The following MINDY3 variants were observed in gnomAD, a reference collection of about 807,000 sequenced individuals.
MINDY3 encodes the protein MINDY lysine 48 deubiquitinase 3, also known as ubiquitin carboxyl-terminal hydrolase MINDY-3.
Under a neutral mutation model 69.2 loss-of-function variants are expected in MINDY3, and 38 were observed. The ratio of observed to expected loss-of-function variants is 0.55; its 90% CI spans 0.42 to 0.72. MINDY3 has a LOEUF of 0.72. MINDY3 is among the 30% of genes least tolerant of loss of function. MINDY3 has a pLI of 0.00. For synonymous variants in MINDY3, 192 were observed against 180.1 expected (o/e 1.07, Z -0.53); for missense variants, 522 against 519.0 (o/e 1.01, Z -0.06).
At chr10:15,843,165 A>C (rs1833599388) in intron 3 of MINDY3, 47 bp downstream of exon 3, 1 of 1,452,838 alleles carries the variant, frequency 6.9e-7, no homozygotes, top group Non-Finnish European at 9.6e-7. Context: ...GATCATCTCT[A>C]TTAAAACAGA....
rs973386537 is a variant in MINDY3, at chr10:15,782,140, C to A, written c.1188+15G>T. On this transcript the variant is annotated intron_variant, in intron 14 of 14. Coordinates refer to ENST00000277632, the MANE Select transcript of MINDY3 (RefSeq NM_024948.4). ...CAACCCAGTTGAACACCGACGACTACGTGAATTATCATACCTTTTCATTAT... is the reference window on the plus strand; with the variant it reads ...CAACCCAGTTGAACACCGACGACTAAGTGAATTATCATACCTTTTCATTAT... The A allele has an allele frequency of 1.9e-6, 3 of 1,583,010 alleles. No homozygotes were observed. Among genetic ancestry groups the A allele is most frequent in the Middle Eastern group, 1.7e-4 (1 of 6,016 alleles).
In MINDY3 at chr10:15,860,447, T is replaced by C. The variant is rs1835020304; in HGVS notation, c.-148A>G. On this transcript the variant is annotated 5_prime_UTR_variant, in exon 1 of 15. Coordinates refer to ENST00000277632, the MANE Select transcript of MINDY3 (RefSeq NM_024948.4). ...GAAAGAAGAAGGGGCTGAGAGCCACTTGCAGAGACCAAGCCTGTCAAGCCA... is the reference window on the plus strand; with the variant it reads ...GAAAGAAGAAGGGGCTGAGAGCCACCTGCAGAGACCAAGCCTGTCAAGCCA... 2 of 685,400 alleles carry C rather than the reference T, an allele frequency of 2.9e-6. No individual in the cohort carries two copies. Among genetic ancestry groups the C allele is most frequent in the Admixed American group, 2.5e-5 (1 of 40,530 alleles). The allele number at this position is 685,400 out of a possible 1,614,324, so 42.5% of individuals were successfully genotyped here.
intron 9 of MINDY3, chr10:15,817,902 A>T (rs1198580100): frequency 6.6e-6 from 1 of 152,196 alleles, no homozygotes; most frequent in Admixed American, 6.6e-5. Flanking sequence ...GTATCCATGG[A>T]CAGAGAAACT....
Position 15,782,121 on chromosome 10 carries a change from A to G in MINDY3, c.1188+34T>C, listed in dbSNP as rs374883099. 4.1e-6 allele frequency: 6 copies of G among 1,459,236 alleles called. No homozygotes were observed. In the African/African-American group the frequency reaches 8.4e-5, roughly 20 times the overall value. The allele number at this position is 1,459,236 out of a possible 1,614,324, so 90.4% of individuals were successfully genotyped here. A position where few individuals can be genotyped will look rare whatever the true frequency, so the allele number is the denominator to read the frequency against. ...ACTCACATAATTATTTCATCAACCCAGTTGAACACCGACGACTACGTGAAT... is the reference window on the plus strand; with the variant it reads ...ACTCACATAATTATTTCATCAACCCGGTTGAACACCGACGACTACGTGAAT... On this transcript the variant is annotated intron_variant, in intron 14 of 14. Coordinates refer to ENST00000277632, the MANE Select transcript of MINDY3 (RefSeq NM_024948.4).
At chr10:15,850,369 C>T (rs1212560114) in intron 1 of MINDY3, among the ~76,000 whole-genome samples, 1 of 152,216 alleles carries the variant, frequency 6.6e-6, no homozygotes, top group Non-Finnish European at 1.5e-5. Context: ...TTAGGTCTGA[C>T]TGTCTGGGAG....
chr10:15,852,398 G>A (rs771168510), intron 1 of MINDY3, among the ~76,000 whole-genome samples: 2 of 152,142 alleles, frequency 1.3e-5, no homozygotes, highest in African/African-American at 2.4e-5. Flanking sequence ...TTCAGGGCAG[G>A]ACTTAGGATT....
intron 9 of MINDY3, among the ~76,000 whole-genome samples, chr10:15,819,909 T>C (rs138857530): frequency 2.0e-5 from 3 of 152,126 alleles, no homozygotes; most frequent in African/African-American, 7.2e-5. Flanking sequence ...TACCTAAAAA[T>C]TAAAGCAAAG....
chr10:15,841,412 A>C lies in MINDY3; in HGVS notation c.409+14T>G. The C allele has an allele frequency of 6.3e-7, 1 of 1,586,938 alleles. No homozygotes were observed. The highest frequency in any genetic ancestry group is 2.2e-5 in the East Asian group (1 of 44,554). ...AACAAGAAAAAAACTTCAGGAAATA[A>C]AAATATATCTTACAAGAATGTTCCA... is the stretch of plus-strand genomic sequence containing the variant. On this transcript the variant is annotated intron_variant, in intron 4 of 14. Transcript: ENST00000277632.
chr10:15,858,802 T>A (rs989216667), intron 1 of MINDY3, among the ~76,000 whole-genome samples: 1 of 152,202 alleles, frequency 6.6e-6, no homozygotes, highest in Admixed American at 6.5e-5. Flanking sequence ...ACAATGGAAG[T>A]AAATTTTTTC....
intron 8 of MINDY3, among the ~76,000 whole-genome samples, chr10:15,826,899 G>A (rs1840118783): frequency 6.6e-6 from 1 of 151,802 alleles, no homozygotes; most frequent in Non-Finnish European, 1.5e-5. Flanking sequence ...ATAGACTAAA[G>A]AGCCAAACAT....
At chr10:15,779,195 A>G in intron 14 of MINDY3, 54 bp from the exon 15 acceptor site, 1 of 1,529,904 alleles carries the variant, frequency 6.5e-7, no homozygotes. Flanking sequence ...GCAAATTCTT[A>G]TGTGGAATGA....
intron 1 of MINDY3, among the ~76,000 whole-genome samples, chr10:15,854,225 TTTGGTG>T (rs1834526027): frequency 6.6e-6 from 1 of 152,104 alleles, no homozygotes; most frequent in African/African-American, 2.4e-5. Flanking sequence ...TGTGTCAAGT[TTTGGTG>T]TGGTATTAAA....
intron 10 of MINDY3, among the ~76,000 whole-genome samples, chr10:15,807,174 A>G (rs971750881): frequency 6.6e-6 from 1 of 152,184 alleles, no homozygotes; most frequent in African/African-American, 2.4e-5. Context: ...ACATACAGAC[A>G]ACATTCAGTA....
chr10:15,790,187 G>T (rs1314191782), intron 11 of MINDY3, among the ~76,000 whole-genome samples: 1 of 152,052 alleles, frequency 6.6e-6, no homozygotes, highest in Admixed American at 6.6e-5. Context: ...GTGTGCAGTT[G>T]CTCTTTCAGG....
chr10:15,846,825 G>A lies in MINDY3; in HGVS notation c.174+1039C>T, dbSNP rs554835908. ...TGCAACATCCACCTCCCAGGTTCAC[G>A]CCATTCTCCTGTCTCAGCCTCCCAA... is the stretch of plus-strand genomic sequence containing the variant. On this transcript the variant is annotated intron_variant, in intron 2 of 14. Transcript: ENST00000277632. Among the ~76,000 whole-genome samples, 118 of 151,106 alleles carry A rather than the reference G, an allele frequency of 7.8e-4. 2 individuals are homozygous for A. Among genetic ancestry groups the A allele is most frequent in the Admixed American group, 1.5e-3 (23 of 15,170 alleles).
At position 15,848,672 on chromosome 10, in the gene MINDY3, ATTAAAT is replaced by A. The variant is rs1366985275; in HGVS notation, c.95-735_95-730del. 8.7e-4 allele frequency among the ~76,000 whole-genome samples: 128 copies of A among 147,322 alleles called. 1 individual carries two copies. The highest frequency in any genetic ancestry group is 3.2e-3 in the African/African-American group (122 of 38,714). Reference sequence around the variant, plus strand: ...AAAAAAAAAAAAAAAAGAAAGAAAAATTAAATGGCATTGTAGACAGTACATGTGTTT... The same window carrying A: ...AAAAAAAAAAAAAAAAGAAAGAAAAAGGCATTGTAGACAGTACATGTGTTT... On this transcript the variant is annotated intron_variant, in intron 1 of 14. Transcript: ENST00000277632.
At chr10:15,844,926 C>T (rs1354351702) in intron 2 of MINDY3, among the ~76,000 whole-genome samples, 1 of 152,174 alleles carries the variant, frequency 6.6e-6, no homozygotes, top group Non-Finnish European at 1.5e-5. Flanking sequence ...GGCTGTAAAG[C>T]ATCATTCCAC....
At chr10:15,796,036 C>T (rs1470695611) in intron 11 of MINDY3, 64 bp downstream of exon 11, 27 of 1,145,062 alleles carry the variant, frequency 2.4e-5, no homozygotes, top group South Asian at 5.2e-5. Context: ...AAAATCAGGT[C>T]GCTATCAATG....
At chr10:15,789,976 G>C (rs1182827362) in intron 11 of MINDY3, among the ~76,000 whole-genome samples, 1 of 152,138 alleles carries the variant, frequency 6.6e-6, no homozygotes, top group Non-Finnish European at 1.5e-5. Context: ...TTTGAAATGA[G>C]AGTGGTTTTA....
Sources: gnomAD v4.1 joint callset for allele counts (sites outside exome capture counted in the v4.1 genomes callset) on GRCh38, gnomAD v4.1.1 for gene constraint, MANE v1.5 for transcripts, NCBI Gene and HGNC (gene_info 2026-07-23, HGNC 2026-07-21) for gene names.